TARBP1: variants seen among roughly 807,000 people sequenced by gnomAD.
TARBP1 encodes the protein tRNA (guanosine(18)-2'-O)-methyltransferase TARBP1.
In TARBP1, 144 loss-of-function variants were observed where a neutral mutation model predicts 178.6. The ratio of observed to expected loss-of-function variants is 0.81; its 90% CI spans 0.70 to 0.93. The LOEUF (loss-of-function observed/expected upper bound fraction) is 0.93. TARBP1 is among the 40% of genes least tolerant of loss of function. The pLI is 0.00. For missense variants in TARBP1, 2,067 were observed against 2,011.7 expected, an observed-to-expected ratio of 1.03 and a Z score of -0.53; for synonymous variants, 787 against 781.0, an observed-to-expected ratio of 1.01 and a Z score of -0.13.
At chr1:234,429,913 T>C (rs897223942) in intron 15 of TARBP1, among the ~76,000 whole-genome samples, 174 bp downstream of exon 15, 1 of 152,214 alleles carries the variant, frequency 6.6e-6, no homozygotes, top group Non-Finnish European at 1.5e-5. Context: ...GAAAACTAGA[T>C]GCAGAAAAGT....
At position 234,433,367 on chromosome 1, in the gene TARBP1, C is replaced by T. The variant is rs181374845; in HGVS notation, c.2394+43G>A. On this transcript the variant is annotated intron_variant, in intron 14 of 29. Coordinates refer to ENST00000040877, the MANE Select transcript of TARBP1 (RefSeq NM_005646.4). ...GAACTGAATATGTATTCCCTGTATGCCTTATTCAAGATAACTACAAACCTT... is the reference window on the plus strand; with the variant it reads ...GAACTGAATATGTATTCCCTGTATGTCTTATTCAAGATAACTACAAACCTT... The T allele has an allele frequency of 6.8e-3, 10,793 of 1,580,730 alleles. 66 individuals are homozygous for T. Among genetic ancestry groups the T allele is most frequent in the Middle Eastern group, 0.011 (66 of 5,992 alleles).
At chr1:234,416,704 C>G (rs1287307133) in intron 22 of TARBP1, among the ~76,000 whole-genome samples, 2 of 152,148 alleles carry the variant, frequency 1.3e-5, no homozygotes, top group Non-Finnish European at 2.9e-5. Flanking sequence ...GCTGCTGTTT[C>G]TGCTGCTTAT....
intron 19 of TARBP1, among the ~76,000 whole-genome samples, chr1:234,426,336 T>C (rs544892330): frequency 2.8e-4 from 43 of 152,362 alleles, no homozygotes; most frequent in African/African-American, 9.1e-4. Flanking sequence ...TTGTTCACAT[T>C]TCATTATAAT....
intron 14 of TARBP1, among the ~76,000 whole-genome samples, chr1:234,430,935 C>T (rs72632290): frequency 0.13 from 20,417 of 152,194 alleles, 1,511 homozygotes; most frequent in Middle Eastern, 0.26. Context: ...GAATCTACTT[C>T]ACGGGGTTAT....
chr1:234,457,141 G>T (rs1667360186), intron 9 of TARBP1, among the ~76,000 whole-genome samples: 1 of 152,182 alleles, frequency 6.6e-6, no homozygotes, highest in South Asian at 2.1e-4. Context: ...ATCATCACAA[G>T]GGAAGAAGCT....
intron 20 of TARBP1, among the ~76,000 whole-genome samples, chr1:234,422,258 T>C (rs1166587881): frequency 6.6e-6 from 1 of 152,220 alleles, no homozygotes; most frequent in African/African-American, 2.4e-5. Context: ...CTTGTTCCAC[T>C]CAGTGTGCTC....
chr1:234,478,665 CG>C lies in TARBP1; in HGVS notation c.438del (p.Val147SerfsTer80). The C allele has an allele frequency of 7.9e-7, 1 of 1,258,260 alleles. No individual in the cohort carries two copies. Among genetic ancestry groups the C allele is most frequent in the Non-Finnish European group, 1.0e-6 (1 of 1,001,840 alleles). The allele number at this position is 1,258,260 out of a possible 1,614,324, so 77.9% of individuals were successfully genotyped here. On this transcript the variant is annotated frameshift_variant, in exon 1 of 30. Transcript: ENST00000040877. LOFTEE classifies it high-confidence loss of function. The part of the protein sequence containing the change: ...GAEAAVEVLA[A>X]VGPCLRPRED... ...TCGCGGGGCCGCAAACATGGCCCGA[CG>C]GCTGCTAGCACTTCCACGGCAGCCT...
chr1:234,471,310 G>A lies in TARBP1; in HGVS notation c.1030-53C>T, dbSNP rs1452805676. 4 of 1,005,798 alleles carry A rather than the reference G, an allele frequency of 4.0e-6. No homozygotes were observed. In the African/African-American group the frequency reaches 1.1e-4, roughly 28 times the overall value. The allele number at this position is 1,005,798 out of a possible 1,614,324, so 62.3% of individuals were successfully genotyped here. A position where few individuals can be genotyped will look rare whatever the true frequency, so the allele number is the denominator to read the frequency against. On this transcript the variant is annotated intron_variant, in intron 2 of 29. Transcript: ENST00000040877. The stretch of plus-strand genomic sequence containing the variant: ...GAAATGAAAATGCATCTTGAAAAAT[G>A]TCAGGCAATTTTCATCTCTTTATTT...
chr1:234,478,068 G>A, intron 1 of TARBP1, 105 bp downstream of exon 1: 1 of 1,133,976 alleles, frequency 8.8e-7, no homozygotes, highest in Non-Finnish European at 1.3e-6. Flanking sequence ...AATTCTGCAT[G>A]GATCGGAGTG....
intron 9 of TARBP1, among the ~76,000 whole-genome samples, chr1:234,452,587 G>C (rs1577331): frequency 0.14 from 21,465 of 152,092 alleles, 1,915 homozygotes; most frequent in East Asian, 0.32. Flanking sequence ...GAGAATGTGG[G>C]GCAGTAAGAA....
chr1:234,470,900 G>A (rs1243447616), intron 3 of TARBP1, among the ~76,000 whole-genome samples: 1 of 152,044 alleles, frequency 6.6e-6, no homozygotes, highest in African/African-American at 2.4e-5. Flanking sequence ...ACAGGCATAA[G>A]CCACCACGCC....
chr1:234,448,395 CAATCATTCAAA>C lies in TARBP1; in HGVS notation c.1961+74_1961+84del. 2.5e-6 allele frequency: 3 copies of C among 1,180,400 alleles called. No homozygotes were observed. The South Asian group carries it at 3.8e-5, about 15-fold the overall frequency. 73.1% of individuals were successfully genotyped at this position (1,180,400 alleles called of 1,614,324 possible). On this transcript the variant is annotated intron_variant, in intron 11 of 29. Coordinates refer to ENST00000040877, the MANE Select transcript of TARBP1 (RefSeq NM_005646.4). ...TTGACACCTTGTGGTCAACTAAGTT[CAATCATTCAAA>C]AATCTGAATACACATCATAATTCTC...
At position 234,429,268 on chromosome 1, in the gene TARBP1, A is replaced by C. The variant is rs750965399; in HGVS notation, c.2928T>G (p.Ile976Met). Residue 976 changes from isoleucine (I) to methionine (M), a missense_variant, in exon 17 of 30, where the codon ATT (isoleucine) becomes ATG (methionine). Ile to Met is a conservative substitution (Grantham distance 10). Transcript: ENST00000040877. ...CIESFDMAWK[I>M]ISSLSNTQLI... ...GCTGAGTGTTGCTTAAAGAAGATAT[A>C]ATTTTCCACGCCATGTCAAAAGACT... 6.2e-7 allele frequency: 1 copy of C among 1,603,688 alleles called. No individual in the cohort carries two copies. The highest frequency in any genetic ancestry group is 8.5e-7 in the Non-Finnish European group (1 of 1,177,624).
At chr1:234,399,055 C>T (rs1660416740) in intron 25 of TARBP1, among the ~76,000 whole-genome samples, 1 of 152,210 alleles carries the variant, frequency 6.6e-6, no homozygotes, top group African/African-American at 2.4e-5. Context: ...GCTTCAACTT[C>T]CTCATTTGTA....
chr1:234,437,461 C>T, intron 12 of TARBP1, 89 bp from the exon 13 acceptor site: 1 of 597,566 alleles, frequency 1.7e-6, no homozygotes, highest in East Asian at 3.0e-5. Flanking sequence ...TACAACTGGG[C>T]TAAGCACGTG....
Position 234,479,170 on chromosome 1 carries a change from C to T in TARBP1, c.-67G>A. ...GGCGCCGGCGTGTGCGATGCGTGCG[C>T]ACAGGACCGGCCGGCCCCTACGTGC... On this transcript the variant is annotated 5_prime_UTR_variant, in exon 1 of 30. Coordinates refer to ENST00000040877, the MANE Select transcript of TARBP1 (RefSeq NM_005646.4). The T allele has an allele frequency of 7.2e-7, 1 of 1,390,224 alleles. No homozygotes were observed. The highest frequency in any genetic ancestry group is 9.3e-7 in the Non-Finnish European group (1 of 1,077,430). The allele number at this position is 1,390,224 out of a possible 1,614,324, so 86.1% of individuals were successfully genotyped here.
chr1:234,430,019 G>A (rs1664253227), intron 15 of TARBP1, 68 bp downstream of exon 15: 1 of 1,426,200 alleles, frequency 7.0e-7, no homozygotes, highest in Non-Finnish European at 9.7e-7. Context: ...TATAAGCAAT[G>A]TTGGGCAATC....
intron 19 of TARBP1, 51 bp from the exon 20 acceptor site, chr1:234,425,844 T>A (rs4920240): frequency 0.2 from 279,511 of 1,379,242 alleles, 30,396 homozygotes; most frequent in Middle Eastern, 0.33. Flanking sequence ...AAACAGAAAA[T>A]TAACATCAAA....
At chr1:234,468,602 T>C (rs1487255418) in intron 3 of TARBP1, among the ~76,000 whole-genome samples, 1 of 152,168 alleles carries the variant, frequency 6.6e-6, no homozygotes, top group Non-Finnish European at 1.5e-5. Flanking sequence ...CCCACTTCAA[T>C]CCATTTTTCA....
Sources: gnomAD v4.1 joint callset for allele counts (sites outside exome capture counted in the v4.1 genomes callset) on GRCh38, gnomAD v4.1.1 for gene constraint, MANE v1.5 for transcripts, NCBI Gene and HGNC (gene_info 2026-07-23, HGNC 2026-07-21) for gene names.